The following NMT1 variants were observed in gnomAD, a reference collection of about 807,000 sequenced individuals.
NMT1 encodes glycylpeptide N-tetradecanoyltransferase 1.
NMT1 carries 12 observed loss-of-function variants against 63.4 expected under a neutral mutation model. The ratio of observed to expected loss-of-function variants is 0.19; its 90% CI spans 0.12 to 0.31. The LOEUF (loss-of-function observed/expected upper bound fraction) is 0.31. Ranked by LOEUF, NMT1 falls within the 10% of genes least tolerant of loss-of-function variation. The pLI, the probability that NMT1 is intolerant of heterozygous loss-of-function variation, is 1.00. For missense variants in NMT1, 432 were observed against 634.6 expected (o/e 0.68, Z 3.43); for synonymous variants, 228 against 234.3 (o/e 0.97, Z 0.25).
chr17:45,076,759 A>AG (rs1028693090), intron 1 of NMT1, among the ~76,000 whole-genome samples: 4 of 152,092 alleles, frequency 2.6e-5, no homozygotes, highest in African/African-American at 9.7e-5. Flanking sequence ...TCAAAAAAAA[A>AG]AAAAGAAAAG....
chr17:45,083,115 G>C lies in NMT1; in HGVS notation c.240+1363G>C, dbSNP rs1473563181. Among the ~76,000 whole-genome samples the C allele has an allele frequency of 2.6e-5, 4 of 151,890 alleles. 1 individual carries two copies. The highest frequency in any genetic ancestry group is 4.4e-5 in the Non-Finnish European group (3 of 67,986). On this transcript the variant is annotated intron_variant, in intron 2 of 11. Coordinates refer to ENST00000258960, the MANE Select transcript of NMT1 (RefSeq NM_021079.5). ...GTGGATCACGAGGTCAGGAATTTGAGACCAGCCTGGCCAACATGGTGAAAC... is the reference window on the plus strand; with the variant it reads ...GTGGATCACGAGGTCAGGAATTTGACACCAGCCTGGCCAACATGGTGAAAC...
At chr17:45,102,857 A>T in intron 8 of NMT1, 94 bp from the exon 9 acceptor site, 4 of 1,227,318 alleles carry the variant, frequency 3.3e-6, no homozygotes, top group Non-Finnish European at 4.5e-6. Context: ...CCGAATGACC[A>T]GGGATTCTCT....
At chr17:45,066,600 CA>C (rs1348587726) in intron 1 of NMT1, among the ~76,000 whole-genome samples, 1 of 151,552 alleles carries the variant, frequency 6.6e-6, no homozygotes, top group East Asian at 2.0e-4. Context: ...TAAATAAAAA[CA>C]AAAAAACCCA....
chr17:45,086,544 CAGA>C lies in NMT1; in HGVS notation c.280_282del (p.Lys94del). 1 of 1,612,746 alleles carries C rather than the reference CAGA, an allele frequency of 6.2e-7. No individual in the cohort carries two copies. Among genetic ancestry groups the C allele is most frequent in the Non-Finnish European group, 8.5e-7 (1 of 1,179,528 alleles). On this transcript the variant is annotated inframe_deletion, in exon 3 of 12. Coordinates refer to ENST00000258960, the MANE Select transcript of NMT1 (RefSeq NM_021079.5). Reference sequence around the variant, plus strand: ...GCCAGCAGAGAGGATCCAGGAAATACAGAAGGCCATTGAGCTGTTCTCAGTGGG... The same window carrying C: ...GCCAGCAGAGAGGATCCAGGAAATACAGGCCATTGAGCTGTTCTCAGTGGG...
rs901661530 is a variant in NMT1 at position 45,105,427 on chromosome 17, C to G, written c.1471-192C>G. 3.3e-5 allele frequency among the ~76,000 whole-genome samples: 5 copies of G among 152,132 alleles called. No individual in the cohort carries two copies. Among genetic ancestry groups the G allele is most frequent in the African/African-American group, 1.2e-4 (5 of 41,428 alleles). ...GTGAGCTGGAGCGTGGGCCAGTTTTCCCTGGGAGGTCTGATGGACGTGTGA... is the reference window on the plus strand; with the variant it reads ...GTGAGCTGGAGCGTGGGCCAGTTTTGCCTGGGAGGTCTGATGGACGTGTGA... On this transcript the variant is annotated intron_variant, in intron 11 of 11. Transcript: ENST00000258960. This position sits in a 1 kb window ranked among gnomAD's most constrained non-coding sequence, Gnocchi z 4.2.
At chr17:45,086,416 C>T (rs935676193) in intron 2 of NMT1, 92 bp from the exon 3 acceptor site, 4 of 1,339,546 alleles carry the variant, frequency 3.0e-6, no homozygotes, top group Non-Finnish European at 4.0e-6. Context: ...TGAGCCACTG[C>T]ACCCAGCTCC....
intron 1 of NMT1, among the ~76,000 whole-genome samples, chr17:45,075,564 G>T (rs907017944): frequency 1.5e-4 from 23 of 151,766 alleles, no homozygotes; most frequent in African/African-American, 5.1e-4. Flanking sequence ...GGCAGATCAT[G>T]AGGTCAGGAG....
chr17:45,103,586 G>T lies in NMT1; in HGVS notation c.1165-123G>T. The T allele has an allele frequency of 1.0e-6, 1 of 999,146 alleles. No homozygotes were observed. Among genetic ancestry groups the T allele is most frequent in the Non-Finnish European group, 1.5e-6 (1 of 671,086 alleles). 61.9% of individuals were successfully genotyped at this position (999,146 alleles called of 1,614,324 possible). ...CCTCCTCCCCACATGTCCTGTTGCAGTTTCCAGCCATTTATCTAGAGGGGC... is the reference window on the plus strand; with the variant it reads ...CCTCCTCCCCACATGTCCTGTTGCATTTTCCAGCCATTTATCTAGAGGGGC... On this transcript the variant is annotated intron_variant, in intron 9 of 11. Coordinates refer to ENST00000258960, the MANE Select transcript of NMT1 (RefSeq NM_021079.5). The surrounding 1 kb of genome is among the most constrained non-coding windows in gnomAD (Gnocchi z 4.8).
In NMT1 at chr17:45,104,764, C is replaced by G. The variant is rs1598021429; in HGVS notation, c.1333-95C>G. 11 of 1,557,008 alleles carry G rather than the reference C, an allele frequency of 7.1e-6. No individual in the cohort carries two copies. On this transcript the variant is annotated intron_variant, in intron 10 of 11. Coordinates refer to ENST00000258960, the MANE Select transcript of NMT1 (RefSeq NM_021079.5). The surrounding 1 kb of genome is among the most constrained non-coding windows in gnomAD (Gnocchi z 4.2). ...TGAGGGAACCTTGTTCTTGTGGCTG[C>G]CCACAGGACAGCTTTGAAATGGCAG...
chr17:45,078,473 T>A (rs1449992878), intron 1 of NMT1, among the ~76,000 whole-genome samples: 1 of 151,994 alleles, frequency 6.6e-6, no homozygotes, highest in Middle Eastern at 3.2e-3. Flanking sequence ...TGATTTCAGA[T>A]CACTTTCTCC....
chr17:45,062,484 T>A (rs1237940636), intron 1 of NMT1, among the ~76,000 whole-genome samples: 8 of 152,212 alleles, frequency 5.3e-5, no homozygotes, highest in Non-Finnish European at 1.5e-5. Flanking sequence ...TTCGCAGTAT[T>A]GGTGGCAGTG....
intron 4 of NMT1, among the ~76,000 whole-genome samples, chr17:45,094,672 G>A (rs2054112300): frequency 6.6e-6 from 1 of 151,060 alleles, no homozygotes; most frequent in Non-Finnish European, 1.5e-5. Flanking sequence ...GTGCCACCAC[G>A]CCCAGCTAAT....
At chr17:45,102,836 GCAGGGAGCCGCCGAATGAC>G in intron 8 of NMT1, 96 bp from the exon 9 acceptor site, 1 of 923,306 alleles carries the variant, frequency 1.1e-6, no homozygotes, top group Non-Finnish European at 1.6e-6. Flanking sequence ...GCACGGGGGT[GCAGGGAGCCGCCGAATGAC>G]CAGGGATTCT....
chr17:45,098,563 C>CTTCCTGTAAGGCCCCAA lies in NMT1; in HGVS notation c.884+12_884+28dup. The CTTCCTGTAAGGCCCCAA allele has an allele frequency of 1.2e-6, 2 of 1,612,602 alleles. No homozygotes were observed. The highest frequency in any genetic ancestry group is 1.7e-6 in the Non-Finnish European group (2 of 1,179,256). On this transcript the variant is annotated intron_variant, in intron 7 of 11. Coordinates refer to ENST00000258960, the MANE Select transcript of NMT1 (RefSeq NM_021079.5). ...CGTTGGCACCTGCAGGTAAAACTGT[C>CTTCCTGTAAGGCCCCAA]TTCCTGTAAGGCCCCAAAAATGCGG...
chr17:45,078,771 T>C (rs2143474529), intron 1 of NMT1, among the ~76,000 whole-genome samples: 1 of 152,114 alleles, frequency 6.6e-6, no homozygotes, highest in East Asian at 1.9e-4. Context: ...CAAGCCAACC[T>C]CTCAACTCAG....
At chr17:45,087,806 C>T (rs1426409039) in intron 3 of NMT1, among the ~76,000 whole-genome samples, 1 of 152,138 alleles carries the variant, frequency 6.6e-6, no homozygotes, top group African/African-American at 2.4e-5. Flanking sequence ...CAGGGCCAGA[C>T]AGGGTAGGGC....
intron 3 of NMT1, among the ~76,000 whole-genome samples, chr17:45,089,288 T>C (rs1161560842): frequency 2.0e-5 from 3 of 152,206 alleles, no homozygotes; most frequent in Non-Finnish European, 4.4e-5. Flanking sequence ...CTCCACCTTC[T>C]TGGGAGAGTT....
In NMT1 at chr17:45,075,504, G is replaced by A. The variant is rs557568727; in HGVS notation, c.132-6140G>A. The stretch of plus-strand genomic sequence containing the variant: ...TTGTCTTAAAAAAAAAAAAATGGCT[G>A]GGCGTGGTGGCTCACGCCTGTAATC... On this transcript the variant is annotated intron_variant, in intron 1 of 11. Coordinates refer to ENST00000258960, the MANE Select transcript of NMT1 (RefSeq NM_021079.5). Among the ~76,000 whole-genome samples, 8 of 149,676 alleles carry A rather than the reference G, an allele frequency of 5.3e-5. No homozygotes were observed. In the South Asian group the frequency reaches 1.5e-3, roughly 28 times the overall value.
chr17:45,104,526 A>C lies in NMT1; in HGVS notation c.1333-333A>C. The C allele has an allele frequency of 8.9e-7, 1 of 1,129,214 alleles. No homozygotes were observed. The highest frequency in any genetic ancestry group is 1.1e-6 in the Non-Finnish European group (1 of 917,398). The allele number at this position is 1,129,214 out of a possible 1,614,324, so 69.9% of individuals were successfully genotyped here. Reference sequence around the variant, plus strand: ...TGACCAGAGCCAGCTTCTCAGAGGAATGGGCTCAGGGTTTGGACTCCAGAG... The same window carrying C: ...TGACCAGAGCCAGCTTCTCAGAGGACTGGGCTCAGGGTTTGGACTCCAGAG... On this transcript the variant is annotated intron_variant, in intron 10 of 11. Transcript: ENST00000258960. The surrounding 1 kb of genome is among the most constrained non-coding windows in gnomAD (Gnocchi z 4.2).
Sources: allele counts gnomAD v4.1 joint callset (sites outside exome capture counted in the v4.1 genomes callset), GRCh38; gene constraint gnomAD v4.1.1; non-coding constraint Gnocchi (gnomAD v3.1); transcripts MANE v1.5; gene names NCBI Gene and HGNC (gene_info 2026-07-23, HGNC 2026-07-21).